The following TACC3 variants were observed in gnomAD, a reference collection of about 807,000 sequenced individuals.
TACC3 encodes transforming acidic coiled-coil-containing protein 3.
A neutral mutation model predicts 86.0 loss-of-function variants in TACC3; 52 were observed. The ratio of observed to expected loss-of-function variants is 0.60; its 90% confidence interval spans 0.48 to 0.76. The LOEUF is 0.76. Among genes scored for constraint, TACC3 ranks in the 30% least tolerant of loss-of-function variants. The pLI, the probability that TACC3 is intolerant of heterozygous loss-of-function variation, is 0.00. For synonymous variants in TACC3, 512 were observed against 430.0 expected, an observed-to-expected ratio of 1.19 and a Z score of -2.36; for missense variants, 1,120 against 1,070.4, an observed-to-expected ratio of 1.05 and a Z score of -0.65.
chr4:1,744,602 C>T lies in TACC3; in HGVS notation c.2308C>T (p.His770Tyr), dbSNP rs200024115. 1 of 1,613,182 alleles carries T rather than the reference C, an allele frequency of 6.2e-7. No homozygotes were observed. Among genetic ancestry groups the T allele is most frequent in the East Asian group, 2.2e-5 (1 of 44,880 alleles). The stretch of plus-strand genomic sequence containing the variant: ...CCAGAGGTACCAAGCCCTGAAGGCC[C>T]ACGCGGAGGAGAAGCTGCAGCTGTG... ...EGQRYQALKA[H>Y]AEEKLQLANE... The change falls in exon 14 of 16, where the codon CAC (histidine) becomes TAC (tyrosine). Residue 770 changes from histidine (H) to tyrosine (Y), a missense_variant. Coordinates refer to ENST00000313288, the MANE Select transcript of TACC3 (RefSeq NM_006342.3).
chr4:1,728,613 A>G lies in TACC3; in HGVS notation c.1211A>G (p.His404Arg), dbSNP rs1717840495. Residue 404 changes from histidine to arginine, a missense_variant, in exon 4 of 16, where the codon CAC (histidine) becomes CGC (arginine). Physicochemically the swap from His to Arg is conservative, Grantham distance 29. Transcript: ENST00000313288. ...ATGCCAGCTTCTCGGGGCTCTTACC[A>G]CCTCGACTGGGACAAAATGGATGAC... ...PPMPASRGSY[H>R]LDWDKMDDPN... 6.2e-7 allele frequency: 1 copy of G among 1,613,878 alleles called. No individual in the cohort carries two copies. The highest frequency in any genetic ancestry group is 8.5e-7 in the Non-Finnish European group (1 of 1,180,000).
At chr4:1,744,927 C>T (rs1224029164) in intron 15 of TACC3, 21 bp from the exon 16 acceptor site, 1 of 1,611,914 alleles carries the variant, frequency 6.2e-7, no homozygotes, top group South Asian at 1.1e-5. Flanking sequence ...AGAAGCCCCG[C>T]AACTCATCTT....
rs1273470515 is a variant in TACC3, at chr4:1,723,787, G to A, written c.222G>A (p.Met74Ile). Residue 74 changes from methionine to isoleucine, a missense_variant, in exon 3 of 16, where the codon ATG becomes ATA. Transcript: ENST00000313288. ...CGCACAGGATTCTAAGTCCTAGCAT[G>A]GCCAGCAAACTTGAGGCTCCTTTCA... is the stretch of plus-strand genomic sequence containing the variant. The part of the protein sequence containing the change: ...PQTHRILSPS[M>I]ASKLEAPFTQ... The A allele has an allele frequency of 1.2e-6, 2 of 1,613,860 alleles. No homozygotes were observed. The highest frequency in any genetic ancestry group is 4.5e-5 in the East Asian group (2 of 44,892).
intron 13 of TACC3, 165 bp downstream of exon 13, chr4:1,741,151 C>A: frequency 1.6e-6 from 1 of 629,240 alleles, no homozygotes; most frequent in Non-Finnish European, 2.6e-6. Flanking sequence ...GCAGGAGTCA[C>A]AGCATAGCTG....
Position 1,740,844 on chromosome 4 carries a change from A to AGGAACTTTCCAAAGCT in TACC3, c.2083_2098dup (p.Glu700GlyfsTer6), listed in dbSNP as rs1297090818. The AGGAACTTTCCAAAGCT allele has an allele frequency of 6.2e-7, 1 of 1,608,108 alleles. No individual in the cohort carries two copies. Among genetic ancestry groups the AGGAACTTTCCAAAGCT allele is most frequent in the Non-Finnish European group, 8.5e-7 (1 of 1,178,650 alleles). ...TCTCAAGAGGAAGTTCAGAAGCAGAAGGAACTTTCCAAAGCTGAAATCCAG... is the reference window on the plus strand; with the variant it reads ...TCTCAAGAGGAAGTTCAGAAGCAGAAGGAACTTTCCAAAGCTGGAACTTTCCAAAGCTGAAATCCAG... On this transcript the variant is annotated frameshift_variant, in exon 13 of 16. Transcript: ENST00000313288. LOFTEE classifies it high-confidence loss of function.
intron 3 of TACC3, among the ~76,000 whole-genome samples, chr4:1,724,856 G>T (rs1313261459): frequency 6.6e-6 from 1 of 151,856 alleles, no homozygotes; most frequent in East Asian, 1.9e-4. Context: ...CAACCTCCTG[G>T]GCTCAAGCAG....
chr4:1,740,065 C>T lies in TACC3; in HGVS notation c.2062+63C>T, dbSNP rs554935432. ...AGGGGCTGCCTATGCCCCACCCTGG[C>T]CCTGCCCTGCACCCTGCCTAGGACC... is the stretch of plus-strand genomic sequence containing the variant. On this transcript the variant is annotated intron_variant, in intron 12 of 15. Coordinates refer to ENST00000313288, the MANE Select transcript of TACC3 (RefSeq NM_006342.3). 3 of 1,560,654 alleles carry T rather than the reference C, an allele frequency of 1.9e-6. No homozygotes were observed. The African/African-American group carries it at 4.0e-5, about 21-fold the overall frequency.
intron 13 of TACC3, among the ~76,000 whole-genome samples, chr4:1,742,312 C>A (rs1392115629): frequency 6.6e-6 from 1 of 152,240 alleles, no homozygotes; most frequent in Non-Finnish European, 1.5e-5. Flanking sequence ...GGCTTGAGGA[C>A]ACAGCGGCTT....
chr4:1,728,066 G>A lies in TACC3; in HGVS notation c.664G>A (p.Glu222Lys). Residue 222 changes from glutamate (E) to lysine (K), a missense_variant, in exon 4 of 16, where the codon GAA becomes AAA. Physicochemically the swap from Glu to Lys is moderately conservative, Grantham distance 56 (BLOSUM62 1). Coordinates refer to ENST00000313288, the MANE Select transcript of TACC3 (RefSeq NM_006342.3). ...HKAETPHGAE[E>K]ECKAETPHGA... The stretch of plus-strand genomic sequence containing the variant: ...AGCGGAGACTCCGCACGGAGCCGAG[G>A]AAGAATGCAAAGCGGAGACTCCGCA... The A allele has an allele frequency of 6.5e-7, 1 of 1,542,356 alleles. No individual in the cohort carries two copies. Among genetic ancestry groups the A allele is most frequent in the Non-Finnish European group, 8.8e-7 (1 of 1,141,508 alleles).
intron 3 of TACC3, among the ~76,000 whole-genome samples, chr4:1,727,465 C>T (rs1016473658): frequency 2.6e-5 from 4 of 152,102 alleles, no homozygotes; most frequent in East Asian, 1.9e-4. Context: ...AGCATGAGGG[C>T]GGGGTCAGCG....
chr4:1,723,003 C>T (rs773242756), intron 1 of TACC3: 11 of 168,372 alleles, frequency 6.5e-5, no homozygotes, highest in East Asian at 3.6e-4. Context: ...TCACGTCACA[C>T]GCAGAGGCCT....
chr4:1,742,383 C>T (rs1252809542), intron 13 of TACC3, among the ~76,000 whole-genome samples: 2 of 152,220 alleles, frequency 1.3e-5, no homozygotes, highest in East Asian at 1.9e-4. Context: ...CGCCTCTCCC[C>T]GGGGCAGGCC....
intron 10 of TACC3, chr4:1,739,397 T>A: frequency 2.1e-6 from 1 of 479,474 alleles, no homozygotes; most frequent in Admixed American, 3.6e-5. Flanking sequence ...TTAGGACCCC[T>A]AGTATCTGCC....
At chr4:1,742,614 T>A (rs953470597) in intron 13 of TACC3, among the ~76,000 whole-genome samples, 4 of 151,822 alleles carry the variant, frequency 2.6e-5, no homozygotes, top group Non-Finnish European at 5.9e-5. Context: ...CAGCCTGGGT[T>A]ACATGATGAA....
Position 1,727,700 on chromosome 4 carries a change from T to C in TACC3, c.306-8T>C. On this transcript the variant is annotated splice_region_variant and splice_polypyrimidine_tract_variant and intron_variant, in intron 3 of 15. Transcript: ENST00000313288. ...GCTGCTTCACGTTGATTAAGTCTCT[T>C]TTAAAAGCCAACAGCTCATCAAGGA... 6.4e-7 allele frequency: 1 copy of C among 1,567,028 alleles called. No homozygotes were observed. The highest frequency in any genetic ancestry group is 1.4e-5 in the African/African-American group (1 of 73,514).
intron 13 of TACC3, among the ~76,000 whole-genome samples, chr4:1,742,798 CAA>C: frequency 7.5e-6 from 1 of 133,222 alleles, no homozygotes; most frequent in African/African-American, 2.7e-5. Context: ...GACTCCATCT[CAA>C]AAAAAAAAAA....
rs987434341 is a variant in TACC3 at position 1,742,424 on chromosome 4, ACTT to A, written c.2223+1440_2223+1442del. The stretch of plus-strand genomic sequence containing the variant: ...CTCAGCTCCCACTGGCCACCTCCCT[ACTT>A]CCTCATGGAGGCTCCTTTGCACATC... On this transcript the variant is annotated intron_variant, in intron 13 of 15. Coordinates refer to ENST00000313288, the MANE Select transcript of TACC3 (RefSeq NM_006342.3). Among the ~76,000 whole-genome samples the A allele has an allele frequency of 4.6e-5, 7 of 152,318 alleles. No homozygotes were observed. In the South Asian group the frequency reaches 1.5e-3, roughly 32 times the overall value.
chr4:1,738,455 C>T (rs955361476), intron 10 of TACC3: 1 of 154,264 alleles, frequency 6.5e-6, no homozygotes, highest in African/African-American at 2.4e-5. Flanking sequence ...AATAGCAGGC[C>T]TGGGGACCAC....
intron 8 of TACC3, among the ~76,000 whole-genome samples, chr4:1,736,767 G>A (rs544573463): frequency 3.3e-5 from 5 of 152,238 alleles, no homozygotes; most frequent in East Asian, 3.9e-4. Flanking sequence ...AAAATTAGCC[G>A]GGTGAGGCGG....
Sources: allele counts gnomAD v4.1 joint callset (sites outside exome capture counted in the v4.1 genomes callset), GRCh38; gene constraint gnomAD v4.1.1; transcripts MANE v1.5; gene names NCBI Gene and HGNC (gene_info 2026-07-23, HGNC 2026-07-21).